CDH13: variants seen among roughly 807,000 people sequenced by gnomAD.
CDH13 encodes the protein cadherin-13.
In CDH13, 24 loss-of-function variants were observed where a neutral mutation model predicts 63.8. The ratio of observed to expected loss-of-function variants is 0.38; its 90% confidence interval spans 0.27 to 0.53. The LOEUF (loss-of-function observed/expected upper bound fraction) is 0.53. Ranked by LOEUF, CDH13 falls within the 20% of genes least tolerant of loss-of-function variation. The pLI is 0.85. For synonymous variants in CDH13, 503 were observed against 355.3 expected, an observed-to-expected ratio of 1.42 and a Z score of -4.67; for missense variants, 1,049 against 903.1, an observed-to-expected ratio of 1.16 and a Z score of -2.07.
At chr16:82,986,784 C>T (rs976352170) in intron 2 of CDH13, among the ~76,000 whole-genome samples, 1 of 152,210 alleles carries the variant, frequency 6.6e-6, no homozygotes, top group Non-Finnish European at 1.5e-5. Flanking sequence ...TGAATGTCTA[C>T]AAATACCGCA....
chr16:82,957,080 C>T (rs1906231959), intron 2 of CDH13, among the ~76,000 whole-genome samples: 1 of 152,096 alleles, frequency 6.6e-6, no homozygotes, highest in African/African-American at 2.4e-5. Context: ...ATCCTGTGTC[C>T]TCATGGCCCC....
At chr16:83,630,075 C>T (rs1328631257) in intron 8 of CDH13, among the ~76,000 whole-genome samples, 2 of 152,172 alleles carry the variant, frequency 1.3e-5, no homozygotes, top group Non-Finnish European at 2.9e-5. Flanking sequence ...CTCGGGTTGG[C>T]AAACATCTAG....
chr16:83,248,935 C>T (rs1203578721), intron 5 of CDH13, among the ~76,000 whole-genome samples: 1 of 152,188 alleles, frequency 6.6e-6, no homozygotes, highest in Non-Finnish European at 1.5e-5. Flanking sequence ...CAACACTTAA[C>T]TCGTGCCCTG....
chr16:82,951,884 G>C (rs1204987960), intron 2 of CDH13, among the ~76,000 whole-genome samples: 1 of 152,148 alleles, frequency 6.6e-6, no homozygotes, highest in Non-Finnish European at 1.5e-5. Context: ...AGCCACAGAA[G>C]TGCAACAAAG....
At chr16:83,060,417 A>G (rs1215643949) in intron 3 of CDH13, among the ~76,000 whole-genome samples, 1 of 152,190 alleles carries the variant, frequency 6.6e-6, no homozygotes, top group African/African-American at 2.4e-5. Flanking sequence ...TTGAAAAGAC[A>G]AAGTGTGAAA....
intron 1 of CDH13, among the ~76,000 whole-genome samples, chr16:82,718,418 A>C (rs2032535009): frequency 6.6e-6 from 1 of 152,142 alleles, no homozygotes; most frequent in South Asian, 2.1e-4. Context: ...GTGACCTCTG[A>C]ACTGCCACCT....
chr16:83,269,779 C>G (rs1014239441), intron 5 of CDH13, among the ~76,000 whole-genome samples: 2 of 152,176 alleles, frequency 1.3e-5, no homozygotes, highest in African/African-American at 4.8e-5. Context: ...TAATCCTAGA[C>G]ATATGGACAG....
intron 2 of CDH13, among the ~76,000 whole-genome samples, chr16:82,998,424 T>C (rs1390374640): frequency 1.3e-5 from 2 of 152,226 alleles, no homozygotes; most frequent in East Asian, 3.8e-4. Context: ...TGTCCTGTTT[T>C]TTTATAGTGA....
intron 1 of CDH13, among the ~76,000 whole-genome samples, chr16:82,854,864 A>AT (rs2039626902): frequency 6.6e-6 from 1 of 152,152 alleles, no homozygotes; most frequent in African/African-American, 2.4e-5. Context: ...GACCATAATT[A>AT]TATTTAACAA....
At chr16:83,151,605 C>A (rs1438270118) in intron 4 of CDH13, among the ~76,000 whole-genome samples, 1 of 152,064 alleles carries the variant, frequency 6.6e-6, no homozygotes, top group Non-Finnish European at 1.5e-5. Flanking sequence ...TGCAAAGAAT[C>A]AATCACTTAT....
chr16:83,525,682 G>C (rs1298356113), intron 7 of CDH13, among the ~76,000 whole-genome samples: 3 of 152,152 alleles, frequency 2.0e-5, no homozygotes, highest in Non-Finnish European at 2.9e-5. Context: ...TTGCCTACCT[G>C]AGGGACATTG....
intron 1 of CDH13, among the ~76,000 whole-genome samples, chr16:82,751,212 G>A (rs1253023713): frequency 6.6e-6 from 1 of 152,214 alleles, no homozygotes; most frequent in Non-Finnish European, 1.5e-5. Context: ...AGATTCATGG[G>A]CTTGCAACAT....
intron 1 of CDH13, among the ~76,000 whole-genome samples, chr16:82,834,590 A>C (rs2038685692): frequency 6.7e-6 from 1 of 149,188 alleles, no homozygotes; most frequent in African/African-American, 2.6e-5. Flanking sequence ...CTGTGGGTCG[A>C]GTTATACTTT....
intron 7 of CDH13, among the ~76,000 whole-genome samples, chr16:83,560,247 T>C (rs2075680465): frequency 1.3e-5 from 2 of 152,206 alleles, no homozygotes; most frequent in African/African-American, 4.8e-5. Flanking sequence ...AATTCTTCTC[T>C]CTTACTTTTA....
chr16:82,976,697 C>T (rs1909559707), intron 2 of CDH13, among the ~76,000 whole-genome samples: 1 of 152,124 alleles, frequency 6.6e-6, no homozygotes, highest in Non-Finnish European at 1.5e-5. Flanking sequence ...TTCAGACTCC[C>T]AAATAGGGCT....
chr16:83,424,479 C>A (rs980061592), intron 6 of CDH13, among the ~76,000 whole-genome samples: 1 of 152,126 alleles, frequency 6.6e-6, no homozygotes, highest in African/African-American at 2.4e-5. Flanking sequence ...CCCTTCATCC[C>A]CCACTTTTGA....
rs371552572 is a variant in CDH13, at chr16:83,783,338, C to G, written c.2000C>G (p.Pro667Arg). The G allele has an allele frequency of 5.6e-6, 9 of 1,613,768 alleles. No individual in the cohort carries two copies. Among genetic ancestry groups the G allele is most frequent in the Non-Finnish European group, 7.6e-6 (9 of 1,179,812 alleles). ...LPIMVTDSGK[P>R]PMTNITDLRV... The stretch of plus-strand genomic sequence containing the variant: ...ATCATGGTGACAGATTCAGGGAAAC[C>G]ACCCATGACGAATATCACAGATCTC... The change falls in exon 13 of 14, where the codon CCA becomes CGA. Residue 667 changes from proline to arginine, a missense_variant. Pro to Arg is a moderately radical substitution (Grantham distance 103). Coordinates refer to ENST00000567109, the MANE Select transcript of CDH13 (RefSeq NM_001257.5).
At chr16:82,675,832 T>G (rs550766032) in intron 1 of CDH13, among the ~76,000 whole-genome samples, 1 of 152,198 alleles carries the variant, frequency 6.6e-6, no homozygotes, top group Non-Finnish European at 1.5e-5. Context: ...GGGAGGGCAC[T>G]TGAGTTCAGA....
chr16:82,690,525 G>T (rs1282553543), intron 1 of CDH13, among the ~76,000 whole-genome samples: 1 of 152,106 alleles, frequency 6.6e-6, no homozygotes, highest in Non-Finnish European at 1.5e-5. Context: ...AAGCTATTCT[G>T]GATAGAAAAT....
Sources: gnomAD v4.1 joint callset for allele counts (sites outside exome capture counted in the v4.1 genomes callset) on GRCh38, gnomAD v4.1.1 for gene constraint, MANE v1.5 for transcripts, NCBI Gene and HGNC (gene_info 2026-07-23, HGNC 2026-07-21) for gene names.